The following DDAH1 variants were observed in gnomAD, a reference collection of about 807,000 sequenced individuals.
The protein encoded by DDAH1 is dimethylarginine dimethylaminohydrolase 1, also known as N(G),N(G)-dimethylarginine dimethylaminohydrolase 1.
A neutral mutation model predicts 28.8 loss-of-function variants in DDAH1; 19 were observed. The ratio of observed to expected loss-of-function variants is 0.66; its 90% CI spans 0.46 to 0.97. DDAH1 has a LOEUF of 0.97. DDAH1 is among the 50% of genes least tolerant of loss of function. The pLI is 0.00. For synonymous variants in DDAH1, 153 were observed against 154.4 expected, an observed-to-expected ratio of 0.99 and a Z score of 0.07; for missense variants, 326 against 375.9, an observed-to-expected ratio of 0.87 and a Z score of 1.10.
chr1:85,571,712 A>G (rs1476325881), intron 1 of DDAH1, among the ~76,000 whole-genome samples: 1 of 146,564 alleles, frequency 6.8e-6, no homozygotes, highest in Non-Finnish European at 1.5e-5. Context: ...TCCCAAAGAC[A>G]TTTTCCAGAG....
intron 4 of DDAH1, among the ~76,000 whole-genome samples, chr1:85,347,418 A>T (rs1204852503): frequency 2.6e-5 from 4 of 152,232 alleles, no homozygotes; most frequent in African/African-American, 9.6e-5. Flanking sequence ...CATATACACC[A>T]TGGAATACTA....
At chr1:85,551,050 T>C (rs1322437581) in intron 1 of DDAH1, among the ~76,000 whole-genome samples, 1 of 152,232 alleles carries the variant, frequency 6.6e-6, no homozygotes, top group Non-Finnish European at 1.5e-5. Context: ...CCTGCTATTA[T>C]CCACACAATG....
intron 1 of DDAH1, chr1:85,404,310 G>A: frequency 4.8e-6 from 7 of 1,454,316 alleles, no homozygotes; most frequent in Non-Finnish European, 6.5e-6. Flanking sequence ...ACTTCTGCCT[G>A]TAGGATTGCA....
intron 1 of DDAH1, among the ~76,000 whole-genome samples, chr1:85,433,212 C>A (rs1227315503): frequency 6.6e-6 from 1 of 152,050 alleles, no homozygotes; most frequent in Non-Finnish European, 1.5e-5. Flanking sequence ...AGGTGCCAAG[C>A]AGAGTTGTAA....
intron 2 of DDAH1, among the ~76,000 whole-genome samples, chr1:85,478,899 A>G (rs948280442): frequency 6.6e-6 from 1 of 152,216 alleles, no homozygotes; most frequent in African/African-American, 2.4e-5. Flanking sequence ...AGTCTAAAGC[A>G]TATTACATTA....
Position 85,340,760 on chromosome 1 carries a change from T to TA in DDAH1, c.597+9654dup, listed in dbSNP as rs377144004. Among the ~76,000 whole-genome samples the TA allele has an allele frequency of 1.9e-3, 279 of 147,458 alleles. 1 individual carries two copies. Among genetic ancestry groups the TA allele is most frequent in the Middle Eastern group, 6.9e-3 (2 of 288 alleles). ...ACACCTTCAGCTTCTACTCCTCTGC[T>TA]AAAAAAAAAAATCTGTGTTGTCCCC... On this transcript the variant is annotated intron_variant, in intron 4 of 5. Transcript: ENST00000284031.
chr1:85,474,444 C>G (rs940035181), intron 2 of DDAH1, among the ~76,000 whole-genome samples: 2 of 152,096 alleles, frequency 1.3e-5, no homozygotes, highest in Non-Finnish European at 1.5e-5. Context: ...CATCCCTATT[C>G]TCTCTTACTT....
rs575216616 is a variant in DDAH1 at position 85,503,416 on chromosome 1, G to A, written c.-122-7135C>T. 5.3e-5 allele frequency among the ~76,000 whole-genome samples: 8 copies of A among 152,234 alleles called. No homozygotes were observed. The East Asian group carries it at 1.4e-3, about 26-fold the overall frequency. On this transcript the variant is annotated intron_variant, in intron 1 of 6. Coordinates refer to the DDAH1 transcript ENST00000426972. The stretch of plus-strand genomic sequence containing the variant: ...GGTTTTCACCATGTTAGCCAGGCTG[G>A]TCTCGAACTCCTGACCTCAGGTGAT...
At chr1:85,355,861 G>GA (rs1169075353) in intron 2 of DDAH1, among the ~76,000 whole-genome samples, 1 of 152,118 alleles carries the variant, frequency 6.6e-6, no homozygotes, top group African/African-American at 2.4e-5. Flanking sequence ...ATCAAAAGTA[G>GA]AAAAATCACC....
intron 1 of DDAH1, among the ~76,000 whole-genome samples, chr1:85,440,907 T>C (rs1427984027): frequency 2.0e-5 from 3 of 151,160 alleles, no homozygotes; most frequent in Admixed American, 6.6e-5. Flanking sequence ...AAAAGCAGGA[T>C]TGGAAAATTA....
At chr1:85,446,166 G>A (rs1289887638) in intron 1 of DDAH1, among the ~76,000 whole-genome samples, 1 of 152,108 alleles carries the variant, frequency 6.6e-6, no homozygotes, top group East Asian at 1.9e-4. Context: ...CCTGAGATTG[G>A]GTAATTTATA....
At chr1:85,469,748 AT>A (rs1655554484), upstream of DDAH1, among the ~76,000 whole-genome samples, 1 of 152,190 alleles carries the variant, frequency 6.6e-6, no homozygotes, top group Admixed American at 6.5e-5. Flanking sequence ...TTCAATAAAT[AT>A]TTATTGAACC....
intron 4 of DDAH1, among the ~76,000 whole-genome samples, chr1:85,349,363 AT>A (rs1308484119): frequency 6.6e-6 from 1 of 152,194 alleles, no homozygotes; most frequent in Admixed American, 6.5e-5. Context: ...CAAGGAAACG[AT>A]TGCTTCCCAG....
chr1:85,434,336 T>G (rs767150353), intron 1 of DDAH1, among the ~76,000 whole-genome samples: 3 of 152,200 alleles, frequency 2.0e-5, no homozygotes, highest in Non-Finnish European at 4.4e-5. Context: ...GTCTGTTCCA[T>G]GACTATGACA....
intron 1 of DDAH1, among the ~76,000 whole-genome samples, chr1:85,551,088 CT>C (rs978124078): frequency 7.9e-5 from 12 of 152,114 alleles, no homozygotes; most frequent in African/African-American, 2.9e-4. Context: ...AATGTATGAC[CT>C]TAGCTTTTAA....
intron 1 of DDAH1, among the ~76,000 whole-genome samples, chr1:85,361,012 C>T (rs769774236): frequency 3.9e-4 from 60 of 152,088 alleles, no homozygotes; most frequent in Admixed American, 1.4e-3. Flanking sequence ...AGCACATGGA[C>T]AAGATTTTTA....
At chr1:85,555,535 A>G (rs1189224401) in intron 1 of DDAH1, among the ~76,000 whole-genome samples, 3 of 152,184 alleles carry the variant, frequency 2.0e-5, no homozygotes, top group Admixed American at 2.0e-4. Context: ...TACTCGCCTC[A>G]TTATTGTCAA....
At chr1:85,570,812 A>G (rs1659433456) in intron 1 of DDAH1, among the ~76,000 whole-genome samples, 1 of 152,150 alleles carries the variant, frequency 6.6e-6, no homozygotes, top group Non-Finnish European at 1.5e-5. Context: ...ACTTCAAATC[A>G]GTGCACCTGA....
intron 1 of DDAH1, among the ~76,000 whole-genome samples, chr1:85,366,966 A>G (rs1268511991): frequency 6.6e-6 from 1 of 152,192 alleles, no homozygotes; most frequent in Non-Finnish European, 1.5e-5. Flanking sequence ...TATAAGAGAG[A>G]CGTCAGGCTC....
Sources: gnomAD v4.1 joint callset for allele counts (sites outside exome capture counted in the v4.1 genomes callset) on GRCh38, gnomAD v4.1.1 for gene constraint, MANE v1.5 for transcripts, NCBI Gene and HGNC (gene_info 2026-07-23, HGNC 2026-07-21) for gene names.